Variants in POU6F2 observed in about 807,000 individuals in gnomAD.
POU6F2 encodes the protein POU class 6 homeobox 2.
POU6F2 carries 31 observed loss-of-function variants against 71.3 expected under a neutral mutation model. The ratio of observed to expected loss-of-function variants is 0.43; its 90% CI spans 0.33 to 0.59. The LOEUF (loss-of-function observed/expected upper bound fraction) is 0.59. Among genes scored for constraint, POU6F2 ranks in the 20% least tolerant of loss-of-function variants. The pLI, the probability that POU6F2 is intolerant of heterozygous loss-of-function variation, is 0.04. For missense variants in POU6F2, 783 were observed against 856.8 expected, an observed-to-expected ratio of 0.91 and a Z score of 1.07; for synonymous variants, 347 against 355.7, an observed-to-expected ratio of 0.98 and a Z score of 0.27.
At chr7:39,059,633 G>A (rs1473278474) in intron 1 of POU6F2, among the ~76,000 whole-genome samples, 1 of 152,006 alleles carries the variant, frequency 6.6e-6, no homozygotes. Flanking sequence ...TCCTCAAAAT[G>A]TTAAACCTAT....
chr7:39,203,119 C>T (rs1311136069), intron 2 of POU6F2, among the ~76,000 whole-genome samples: 1 of 152,156 alleles, frequency 6.6e-6, no homozygotes, highest in South Asian at 2.1e-4. Flanking sequence ...AGTATTTTCC[C>T]CCATTTCCAT....
intron 4 of POU6F2, among the ~76,000 whole-genome samples, chr7:39,291,334 G>A (rs888913913): frequency 1.3e-5 from 2 of 152,126 alleles, no homozygotes; most frequent in African/African-American, 4.8e-5. Flanking sequence ...ATTATTTCAG[G>A]TTTTGCATTA....
chr7:39,405,856 T>C (rs1411988453), intron 5 of POU6F2, among the ~76,000 whole-genome samples: 1 of 152,188 alleles, frequency 6.6e-6, no homozygotes, highest in Non-Finnish European at 1.5e-5. Flanking sequence ...TCTTCCTCCC[T>C]GTTTCACTCT....
intron 1 of POU6F2, among the ~76,000 whole-genome samples, chr7:39,057,127 A>G (rs981405514): frequency 6.6e-6 from 1 of 152,076 alleles, no homozygotes; most frequent in Non-Finnish European, 1.5e-5. Flanking sequence ...GTCTTTCCTT[A>G]TCACATTAAA....
chr7:39,021,257 C>T (rs2128706649), intron 1 of POU6F2, among the ~76,000 whole-genome samples: 1 of 152,000 alleles, frequency 6.6e-6, no homozygotes, highest in East Asian at 1.9e-4. Flanking sequence ...CTTTCCTTTG[C>T]TATCTTTCTT....
chr7:39,264,699 T>C (rs150724300), intron 4 of POU6F2, among the ~76,000 whole-genome samples: 5 of 152,296 alleles, frequency 3.3e-5, no homozygotes, highest in Admixed American at 6.5e-5. Context: ...AATGAATCAG[T>C]AAATAAATAA....
intron 2 of POU6F2, among the ~76,000 whole-genome samples, chr7:39,091,060 G>C (rs1030512308): frequency 1.3e-5 from 2 of 152,118 alleles, no homozygotes; most frequent in African/African-American, 4.8e-5. Flanking sequence ...GACAATTTTA[G>C]TTTAGTAGAT....
intron 1 of POU6F2, among the ~76,000 whole-genome samples, chr7:39,060,585 A>T (rs748416926): frequency 9.9e-5 from 15 of 152,202 alleles, no homozygotes; most frequent in Non-Finnish European, 1.8e-4. Context: ...GTATGAGAGA[A>T]ACGTTCACTA....
intron 6 of POU6F2, among the ~76,000 whole-genome samples, chr7:39,422,033 T>C (rs1441153332): frequency 6.6e-6 from 1 of 152,226 alleles, no homozygotes; most frequent in African/African-American, 2.4e-5. Context: ...ACAGTTGTGC[T>C]TCTCTTTTAA....
chr7:39,408,175 A>G (rs1436597829), intron 6 of POU6F2, among the ~76,000 whole-genome samples: 2 of 152,216 alleles, frequency 1.3e-5, no homozygotes, highest in Non-Finnish European at 2.9e-5. Flanking sequence ...TGTGCCCAGA[A>G]ATAGGACACC....
At chr7:39,157,324 A>C (rs2128735825) in intron 2 of POU6F2, among the ~76,000 whole-genome samples, 1 of 152,326 alleles carries the variant, frequency 6.6e-6, no homozygotes, top group Non-Finnish European at 1.5e-5. Flanking sequence ...GGAGGTGGTA[A>C]TGAAATGGTT....
chr7:39,194,265 G>C (rs898653760), intron 2 of POU6F2, among the ~76,000 whole-genome samples: 4 of 152,210 alleles, frequency 2.6e-5, no homozygotes, highest in African/African-American at 9.7e-5. Flanking sequence ...AAAGCAGGAT[G>C]CTGCGAGTTT....
chr7:39,015,877 A>ATATATAT (rs797003411), intron 1 of POU6F2, among the ~76,000 whole-genome samples: 1 of 50,230 alleles, frequency 2.0e-5, no homozygotes, highest in Non-Finnish European at 3.6e-5. Context: ...TTATATATAG[A>ATATATAT]TATATATTAT....
chr7:39,074,843 A>G (rs1225836758), intron 1 of POU6F2, among the ~76,000 whole-genome samples: 2 of 152,174 alleles, frequency 1.3e-5, no homozygotes, highest in Admixed American at 6.5e-5. Flanking sequence ...AAAATTTCTT[A>G]TTATTACTAA....
intron 2 of POU6F2, among the ~76,000 whole-genome samples, chr7:39,109,414 G>A (rs1791759276): frequency 6.6e-6 from 1 of 152,178 alleles, no homozygotes; most frequent in African/African-American, 2.4e-5. Flanking sequence ...AAGCACCACA[G>A]TTGTATGTGC....
chr7:39,076,529 TAAAAAG>T lies in POU6F2; in HGVS notation c.106-9314_106-9309del, dbSNP rs111496549. ...TTAAACTAAAAATAAATTATATTTT[TAAAAAG>T]AAAAAGAAAAAGAAAATGGTTAGCT... On this transcript the variant is annotated intron_variant, in intron 1 of 9. Transcript: ENST00000518318. Among the ~76,000 whole-genome samples the T allele has an allele frequency of 3.4e-3, 514 of 152,100 alleles. 6 individuals are homozygous for T. Among genetic ancestry groups the T allele is most frequent in the African/African-American group, 0.012 (485 of 41,510 alleles).
At chr7:39,407,951 A>G (rs1448269626) in intron 6 of POU6F2, among the ~76,000 whole-genome samples, 1 of 152,226 alleles carries the variant, frequency 6.6e-6, no homozygotes, top group Admixed American at 6.5e-5. Flanking sequence ...GGAGGGTTGT[A>G]TGAACACTGT....
At position 38,989,801 on chromosome 7, in the gene POU6F2, T is replaced by TTG. The variant is rs375334324; in HGVS notation, c.105+11767_105+11768dup. Among the ~76,000 whole-genome samples, 827 of 143,130 alleles carry TTG rather than the reference T, an allele frequency of 5.8e-3. 1 individual carries two copies. The highest frequency in any genetic ancestry group is 0.016 in the African/African-American group (613 of 38,832). 93.9% of individuals were successfully genotyped at this position (143,130 alleles called of 152,430 possible). Reference sequence around the variant, plus strand: ...ATATTAGGCACTGTTCTGTGTGTGTTTGTGTGTGTGTGTGTGTGTGTGTGT... The same window carrying TTG: ...ATATTAGGCACTGTTCTGTGTGTGTTTGTGTGTGTGTGTGTGTGTGTGTGTGT... On this transcript the variant is annotated intron_variant, in intron 1 of 9. Coordinates refer to ENST00000518318, the MANE Select transcript of POU6F2 (RefSeq NM_001370959.1).
chr7:39,055,628 T>C (rs1464070848), intron 1 of POU6F2, among the ~76,000 whole-genome samples: 2 of 152,142 alleles, frequency 1.3e-5, no homozygotes, highest in African/African-American at 4.8e-5. Context: ...TTTTCATTCT[T>C]TTTTTGTCTA....
Sources: gnomAD v4.1 joint callset for allele counts (sites outside exome capture counted in the v4.1 genomes callset) on GRCh38, gnomAD v4.1.1 for gene constraint, MANE v1.5 for transcripts, NCBI Gene and HGNC (gene_info 2026-07-23, HGNC 2026-07-21) for gene names.